Variants in ATP13A4 observed in about 807,000 individuals in gnomAD.
The protein encoded by ATP13A4 is probable cation-transporting ATPase 13A4.
In ATP13A4, 114 loss-of-function variants were observed where a neutral mutation model predicts 142.5. That is an observed-to-expected ratio of 0.80 (90% CI 0.69 to 0.93). The LOEUF (loss-of-function observed/expected upper bound fraction) is 0.93. ATP13A4 is among the 40% of genes least tolerant of loss of function. The pLI is 0.00. For synonymous variants in ATP13A4, 488 were observed against 514.8 expected (o/e 0.95, Z 0.70); for missense variants, 1,392 against 1,454.0 (o/e 0.96, Z 0.69).
intron 13 of ATP13A4, among the ~76,000 whole-genome samples, chr3:193,460,071 G>A (rs1013999192): frequency 1.3e-5 from 2 of 152,034 alleles, no homozygotes; most frequent in African/African-American, 4.8e-5. Context: ...CCTACATTGG[G>A]GCAGAATCTG....
chr3:193,423,646 C>CT (rs1490806637), intron 25 of ATP13A4, among the ~76,000 whole-genome samples: 1 of 149,652 alleles, frequency 6.7e-6, no homozygotes, highest in Non-Finnish European at 1.5e-5. Context: ...GCTAAAAACT[C>CT]TGAACAAATT....
chr3:193,421,489 T>C (rs1715397963), intron 25 of ATP13A4, among the ~76,000 whole-genome samples: 1 of 149,980 alleles, frequency 6.7e-6, no homozygotes. Context: ...CTGATGAAAG[T>C]AAATATATGG....
At chr3:193,503,047 A>G (rs1035902773) in intron 2 of ATP13A4, among the ~76,000 whole-genome samples, 4 of 151,680 alleles carry the variant, frequency 2.6e-5, no homozygotes, top group Non-Finnish European at 4.4e-5. Flanking sequence ...CAGGGGGGGG[A>G]ACTATCACTT....
intron 17 of ATP13A4, among the ~76,000 whole-genome samples, chr3:193,452,714 G>C (rs1225865566): frequency 6.7e-6 from 1 of 148,642 alleles, no homozygotes; most frequent in East Asian, 2.0e-4. Context: ...ACTTTTCTAA[G>C]TATAATAATA....
chr3:193,452,933 A>G (rs1023884042), intron 17 of ATP13A4, among the ~76,000 whole-genome samples: 1 of 152,134 alleles, frequency 6.6e-6, no homozygotes, highest in African/African-American at 2.4e-5. Context: ...TACTATATAA[A>G]TTGGGAGGAG....
rs201541800 is a variant in ATP13A4 at position 193,502,648 on chromosome 3, A to G, written c.235-9T>C. Reference sequence around the variant, plus strand: ...TAAATTTGGAATTCATCCTGAGGAGATAGACATCAAAACCCCCAAGAAGTT... The same window carrying G: ...TAAATTTGGAATTCATCCTGAGGAGGTAGACATCAAAACCCCCAAGAAGTT... On this transcript the variant is annotated splice_polypyrimidine_tract_variant and intron_variant, in intron 2 of 29. Coordinates refer to ENST00000342695, the MANE Select transcript of ATP13A4 (RefSeq NM_032279.4). 2.2e-5 allele frequency: 35 copies of G among 1,613,432 alleles called. No individual in the cohort carries two copies. The East Asian group carries it at 6.9e-4, about 32-fold the overall frequency.
At chr3:193,551,718 G>A (rs774675752) in intron 1 of ATP13A4, among the ~76,000 whole-genome samples, 1 of 152,328 alleles carries the variant, frequency 6.6e-6, no homozygotes, top group South Asian at 2.1e-4. Flanking sequence ...GCCCAAGGCC[G>A]GTGAGAGCCA....
At chr3:193,470,721 C>T in intron 9 of ATP13A4, 138 bp downstream of exon 9, 1 of 1,229,932 alleles carries the variant, frequency 8.1e-7, no homozygotes, top group Non-Finnish European at 1.2e-6. Flanking sequence ...AGATTTGTGG[C>T]AACGGGAAGG....
intron 25 of ATP13A4, among the ~76,000 whole-genome samples, chr3:193,426,178 G>C (rs1416049030): frequency 6.6e-6 from 1 of 151,620 alleles, no homozygotes; most frequent in Non-Finnish European, 1.5e-5. Context: ...ATGTTTCAGG[G>C]CATAAGATCA....
Position 193,514,846 on chromosome 3 carries a change from C to A in ATP13A4, c.86G>T (p.Gly29Val), listed in dbSNP as rs777439816. 2.7e-5 allele frequency: 44 copies of A among 1,614,026 alleles called. 1 individual carries two copies. The highest frequency in any genetic ancestry group is 5.3e-5 in the African/African-American group (4 of 74,904). The change falls in exon 2 of 30, where the codon GGC becomes GTC. Residue 29 changes from glycine (G) to valine (V), a missense_variant. Coordinates refer to ENST00000342695, the MANE Select transcript of ATP13A4 (RefSeq NM_032279.4). Reference sequence around the variant, plus strand: ...GGCAAGGCAGAGACTTTTCCGGCAGCCTTGAGTCCGATAGCCAAATATCTC... The same window carrying A: ...GGCAAGGCAGAGACTTTTCCGGCAGACTTGAGTCCGATAGCCAAATATCTC... ...EMEIFGYRTQ[G>V]CRKSLCLAGS...
intron 8 of ATP13A4, among the ~76,000 whole-genome samples, chr3:193,479,149 A>G (rs1481354587): frequency 2.6e-5 from 4 of 152,226 alleles, no homozygotes; most frequent in Non-Finnish European, 5.9e-5. Context: ...TGACAAATCC[A>G]CAGCTAACAT....
At position 193,454,193 on chromosome 3, in the gene ATP13A4, G is replaced by T; in HGVS notation, c.1935C>A (p.Ser645Arg). 6.2e-7 allele frequency: 1 copy of T among 1,613,298 alleles called. No individual in the cohort carries two copies. ...QPETVPTSFVSELQIYTTQGF... is the reference protein window; with the variant it reads ...QPETVPTSFVRELQIYTTQGF... ...CCTGTGTCGTGTAAATCTGAAGTTC[G>T]CTAACAAAACTAGTGGGTACTGTTT... The change falls in exon 17 of 30, where the codon AGC (serine) becomes AGA (arginine). Residue 645 changes from serine (S) to arginine (R), a missense_variant. Coordinates refer to ENST00000342695, the MANE Select transcript of ATP13A4 (RefSeq NM_032279.4).
Position 193,416,761 on chromosome 3 carries a change from T to C in ATP13A4, c.2843-2011A>G, listed in dbSNP as rs149863691. 1.5e-3 allele frequency among the ~76,000 whole-genome samples: 223 copies of C among 152,026 alleles called. 2 individuals carry two copies. The highest frequency in any genetic ancestry group is 5.2e-3 in the African/African-American group (217 of 41,470). On this transcript the variant is annotated intron_variant, in intron 25 of 29. Transcript: ENST00000342695. ...AACAAGCAGACCAACATGTACGTTGTGGGAGTATCGGAAGGAGAGAAGAGA... is the reference window on the plus strand; with the variant it reads ...AACAAGCAGACCAACATGTACGTTGCGGGAGTATCGGAAGGAGAGAAGAGA...
At chr3:193,562,832 C>T (rs1375657188) in intron 2 of ATP13A4, among the ~76,000 whole-genome samples, 1 of 152,134 alleles carries the variant, frequency 6.6e-6, no homozygotes, top group Non-Finnish European at 1.5e-5. Flanking sequence ...GATGGTGCCA[C>T]TGAACTCCAG....
chr3:193,543,572 G>C (rs944482135), intron 1 of ATP13A4, among the ~76,000 whole-genome samples: 1 of 152,112 alleles, frequency 6.6e-6, no homozygotes. Context: ...AACTGGTTAG[G>C]ACAATCATTA....
chr3:193,465,899 G>A, intron 11 of ATP13A4, 126 bp downstream of exon 11: 1 of 1,088,012 alleles, frequency 9.2e-7, no homozygotes. Flanking sequence ...TCTATACGTA[G>A]GCATCAGTGC....
intron 23 of ATP13A4, among the ~76,000 whole-genome samples, chr3:193,438,048 G>T (rs190745970): frequency 6.6e-6 from 1 of 152,080 alleles, no homozygotes; most frequent in African/African-American, 2.4e-5. Context: ...TAGCCAGGAT[G>T]GTCTCAATCT....
chr3:193,503,465 T>C (rs777668144), intron 2 of ATP13A4, among the ~76,000 whole-genome samples: 4 of 152,100 alleles, frequency 2.6e-5, no homozygotes, highest in Non-Finnish European at 5.9e-5. Context: ...ATACTAAACA[T>C]AAAACCCACT....
At chr3:193,528,872 G>A (rs199832644) in intron 1 of ATP13A4, among the ~76,000 whole-genome samples, 2 of 8,740 alleles carry the variant, frequency 2.3e-4, no homozygotes, top group East Asian at 0.04. Flanking sequence ...TTTATTCAAT[G>A]GTCCATTTTT....
Sources: gnomAD v4.1 joint callset for allele counts (sites outside exome capture counted in the v4.1 genomes callset) on GRCh38, gnomAD v4.1.1 for gene constraint, MANE v1.5 for transcripts, NCBI Gene and HGNC (gene_info 2026-07-23, HGNC 2026-07-21) for gene names.